The following EIF3B variants were observed in gnomAD, a reference collection of about 807,000 sequenced individuals.
The protein encoded by EIF3B is eukaryotic translation initiation factor 3 subunit 9.
A neutral mutation model predicts 104.6 loss-of-function variants in EIF3B; 10 were observed. The observed-to-expected ratio is 0.10, with a 90% CI of 0.06 to 0.16. The LOEUF is 0.16. Ranked by LOEUF, EIF3B falls within the 10% of genes least tolerant of loss-of-function variation. EIF3B has a pLI of 1.00. For missense variants in EIF3B, 1,014 were observed against 1,087.9 expected, an observed-to-expected ratio of 0.93 and a Z score of 0.96; for synonymous variants, 542 against 417.2, an observed-to-expected ratio of 1.30 and a Z score of -3.65.
rs1780668557 is a variant in EIF3B at position 2,376,979 on chromosome 7, C to G, written c.2058C>G (p.Phe686Leu). 1.2e-6 allele frequency: 2 copies of G among 1,613,972 alleles called. No individual in the cohort carries two copies. The highest frequency in any genetic ancestry group is 1.7e-6 in the Non-Finnish European group (2 of 1,180,026). Reference protein sequence around the residue: ...KVDNAYWLWTFQGRLLQKNNK... With the variant: ...KVDNAYWLWTLQGRLLQKNNK... ...ACAACGCGTACTGGCTGTGGACTTT[C>G]CAGGGACGCCTCCTGCAGAAGAACA... is the stretch of plus-strand genomic sequence containing the variant. The change falls in exon 15 of 19, where the codon TTC (phenylalanine) becomes TTG (leucine). Residue 686 changes from phenylalanine to leucine, a missense_variant. Physicochemically the swap from Phe to Leu is conservative, Grantham distance 22. This residue lies in a region of EIF3B where 266 missense variants were observed against 324.0 expected (regional missense o/e 0.82). Coordinates refer to ENST00000360876, the MANE Select transcript of EIF3B (RefSeq NM_001037283.2).
In EIF3B at chr7:2,379,384, G is replaced by T; in HGVS notation, c.2342-10G>T. The T allele has an allele frequency of 6.3e-7, 1 of 1,579,596 alleles. No individual in the cohort carries two copies. ...CCCCCATGGGTGATCTGCGCCCTTT[G>T]TCCCCTCAGGGGTGGACACTGACGA... On this transcript the variant is annotated splice_polypyrimidine_tract_variant and intron_variant, in intron 17 of 18. Coordinates refer to ENST00000360876, the MANE Select transcript of EIF3B (RefSeq NM_001037283.2).
At chr7:2,374,477 G>A (rs774462821) in intron 12 of EIF3B, 51 bp from the exon 13 acceptor site, 64 of 1,585,662 alleles carry the variant, frequency 4.0e-5, no homozygotes, top group African/African-American at 6.7e-5. Context: ...TGGCTGCCCC[G>A]GCACTGTGGA....
rs757426548 is a variant in EIF3B, at chr7:2,378,771, G to A, written c.2232+5G>A. On this transcript the variant is annotated splice_donor_5th_base_variant and intron_variant, in intron 16 of 18. Coordinates refer to ENST00000360876, the MANE Select transcript of EIF3B (RefSeq NM_001037283.2). ...AGTCAGTCCAAAGCCTCAAAGGTGA[G>A]CCTCATTCCCAAAATGAGGGCTGTG... is the stretch of plus-strand genomic sequence containing the variant. 3.1e-6 allele frequency: 5 copies of A among 1,612,824 alleles called. No individual in the cohort carries two copies. The South Asian group carries it at 4.4e-5, about 14-fold the overall frequency.
At chr7:2,379,333 G>C in intron 17 of EIF3B, 61 bp from the exon 18 acceptor site, 1 of 1,553,418 alleles carries the variant, frequency 6.4e-7, no homozygotes, top group Non-Finnish European at 8.8e-7. Context: ...CTTCCCACTG[G>C]CCTCGGCGGT....
intron 2 of EIF3B, among the ~76,000 whole-genome samples, chr7:2,361,952 C>CTTATTTATTTAT (rs60402825): frequency 0.055 from 8,137 of 148,626 alleles, 332 homozygotes; most frequent in African/African-American, 0.064. Flanking sequence ...TGCTTGCTTG[C>CTTATTTATTTAT]TTATTTATTT....
chr7:2,363,531 A>T, intron 4 of EIF3B, 101 bp from the exon 5 acceptor site: 1 of 1,073,170 alleles, frequency 9.3e-7, no homozygotes, highest in Non-Finnish European at 1.3e-6. Flanking sequence ...CTTGGGAGTT[A>T]AGATGTGGAC....
intron 8 of EIF3B, 162 bp downstream of exon 8, chr7:2,366,753 G>A: frequency 1.2e-6 from 1 of 867,840 alleles, no homozygotes; most frequent in Non-Finnish European, 1.8e-6. Flanking sequence ...TCTGGGCAGA[G>A]CTCTTCAGTC....
At chr7:2,369,407 C>T in intron 9 of EIF3B, 65 bp from the exon 10 acceptor site, 16 of 1,542,556 alleles carry the variant, frequency 1.0e-5, no homozygotes, top group Admixed American at 3.4e-5. Context: ...GTTCTATTCT[C>T]TTCTGCTTTT....
rs371884384 is a variant in EIF3B at position 2,375,338 on chromosome 7, C to A, written c.1890-51C>A. The A allele has an allele frequency of 1.1e-5, 17 of 1,605,992 alleles. No homozygotes were observed. The African/African-American group carries it at 2.0e-4, about 19-fold the overall frequency. Reference sequence around the variant, plus strand: ...CGCAGCACCTCTCAGGAGTGGGATGCCAGGAGGTATGCGTCTCCATGAAGC... The same window carrying A: ...CGCAGCACCTCTCAGGAGTGGGATGACAGGAGGTATGCGTCTCCATGAAGC... On this transcript the variant is annotated intron_variant, in intron 13 of 18. Coordinates refer to ENST00000360876, the MANE Select transcript of EIF3B (RefSeq NM_001037283.2).
At chr7:2,371,584 C>G (rs934049910) in intron 10 of EIF3B, among the ~76,000 whole-genome samples, 193 bp from the exon 11 acceptor site, 4 of 152,274 alleles carry the variant, frequency 2.6e-5, no homozygotes, top group Non-Finnish European at 5.9e-5. Flanking sequence ...TTCCAGTAGA[C>G]GTGGTGCCGG....
In EIF3B at chr7:2,363,580, A is replaced by G; in HGVS notation, c.871-52A>G. 2.6e-6 allele frequency: 4 copies of G among 1,520,730 alleles called. No homozygotes were observed. In the South Asian group the frequency reaches 4.8e-5, roughly 18 times the overall value. 94.2% of individuals were successfully genotyped at this position (1,520,730 alleles called of 1,614,324 possible). A position where few individuals can be genotyped will look rare whatever the true frequency, so the allele number is the denominator to read the frequency against. ...TCTTTAAGAGCAATAGTTGTGAATG[A>G]GTTTTTTATTAAAATTAATGAAATG... On this transcript the variant is annotated intron_variant, in intron 4 of 18. Transcript: ENST00000360876.
At chr7:2,378,917 A>G (rs979487480) in intron 16 of EIF3B, 151 bp downstream of exon 16, 2 of 794,654 alleles carry the variant, frequency 2.5e-6, no homozygotes, top group African/African-American at 1.7e-5. Flanking sequence ...GCACTGGGGA[A>G]CTGGGGTTGG....
At chr7:2,371,422 C>T (rs911838080) in intron 10 of EIF3B, among the ~76,000 whole-genome samples, 1 of 152,232 alleles carries the variant, frequency 6.6e-6, no homozygotes, top group Non-Finnish European at 1.5e-5. Context: ...AAGTGGTTTA[C>T]CCAGCCCCAT....
rs748884581 is a variant in EIF3B, at chr7:2,379,498, C to CCT, written c.*2_*3dup. 11 of 1,565,750 alleles carry CCT rather than the reference C, an allele frequency of 7.0e-6. No homozygotes were observed. The African/African-American group carries it at 1.5e-4, about 21-fold the overall frequency. ...CATTCCCCTCGGGAATCAGGAGTGACCTGGAGCACTGTGGTGAGCGTCTGC... is the reference window on the plus strand; with the variant it reads ...CATTCCCCTCGGGAATCAGGAGTGACCTCTGGAGCACTGTGGTGAGCGTCTGC... On this transcript the variant is annotated 3_prime_UTR_variant, in exon 18 of 19. Coordinates refer to ENST00000360876, the MANE Select transcript of EIF3B (RefSeq NM_001037283.2).
In EIF3B at chr7:2,363,625, T is replaced by A; in HGVS notation, c.871-7T>A. 6.3e-7 allele frequency: 1 copy of A among 1,593,046 alleles called. No homozygotes were observed. The highest frequency in any genetic ancestry group is 8.5e-7 in the Non-Finnish European group (1 of 1,174,032). On this transcript the variant is annotated splice_region_variant and splice_polypyrimidine_tract_variant and intron_variant, in intron 4 of 18. Transcript: ENST00000360876. ...GAAATGTTATATTCCTTGTCTTTGTTTTTAAGGGGAACTTACGTTACTGGC... is the reference window on the plus strand; with the variant it reads ...GAAATGTTATATTCCTTGTCTTTGTATTTAAGGGGAACTTACGTTACTGGC...
At chr7:2,369,442 G>A (rs1399043176) in intron 9 of EIF3B, 30 bp from the exon 10 acceptor site, 2 of 1,609,902 alleles carry the variant, frequency 1.2e-6, no homozygotes, top group Non-Finnish European at 1.7e-6. Flanking sequence ...CTTGGTCTTT[G>A]CTTTAACATT....
chr7:2,367,177 G>A, intron 9 of EIF3B, 132 bp downstream of exon 9: 1 of 852,628 alleles, frequency 1.2e-6, no homozygotes. Flanking sequence ...CCCAGTTCTG[G>A]AGCTTGGGAG....
chr7:2,380,231 G>T lies in EIF3B; in HGVS notation c.*42G>T. The T allele has an allele frequency of 2.3e-6, 1 of 430,230 alleles. No homozygotes were observed. The highest frequency in any genetic ancestry group is 4.7e-6 in the Non-Finnish European group (1 of 214,974). 26.7% of individuals were successfully genotyped at this position (430,230 alleles called of 1,614,324 possible). ...GACGGACTCCGCCTGCTGTTCCCGC[G>T]CTGAGCTACAGGACTCCCGAGTGTG... On this transcript the variant is annotated 3_prime_UTR_variant, in exon 19 of 19. Transcript: ENST00000360876.
intron 13 of EIF3B, 103 bp from the exon 14 acceptor site, chr7:2,375,286 G>A (rs961993967): frequency 8.0e-6 from 12 of 1,496,180 alleles, no homozygotes; most frequent in Admixed American, 5.2e-5. Context: ...TGTTAACGCC[G>A]AGGCTGGCTC....
Sources: allele counts gnomAD v4.1 joint callset (sites outside exome capture counted in the v4.1 genomes callset), GRCh38; gene constraint gnomAD v4.1.1; regional missense constraint gnomAD v4.1.1; transcripts MANE v1.5; gene names NCBI Gene and HGNC (gene_info 2026-07-23, HGNC 2026-07-21).